The following PHTF1 variants were observed in gnomAD, a reference collection of about 807,000 sequenced individuals.
The protein encoded by PHTF1 is putative homeodomain transcription factor 1, also known as protein PHTF1.
A neutral mutation model predicts 102.4 loss-of-function variants in PHTF1; 88 were observed. That is an observed-to-expected ratio of 0.86 (90% CI 0.72 to 1.03). The LOEUF is 1.03. Ranked by LOEUF, PHTF1 falls within the 50% of genes least tolerant of loss-of-function variation. The probability of loss-of-function intolerance (pLI) is 0.00; values close to 1 mark genes in which losing one functional copy is unlikely to be tolerated. For missense variants in PHTF1, 814 were observed against 909.5 expected, an observed-to-expected ratio of 0.89 and a Z score of 1.35; for synonymous variants, 289 against 305.2, an observed-to-expected ratio of 0.95 and a Z score of 0.55.
chr1:113,706,645 G>A lies in PHTF1; in HGVS notation c.1347C>T (p.Cys449=), dbSNP rs531967501. The change falls in exon 12 of 19, where the codon TGC becomes TGT. Residue 449 remains cysteine, a synonymous_variant. Coordinates refer to ENST00000369604, the MANE Select transcript of PHTF1 (RefSeq NM_001323043.2). ...CCAACACAGACATATCCATCTTTTTGCACTCATTCCCCTCCCAGATTATTG... is the reference window on the plus strand; with the variant it reads ...CCAACACAGACATATCCATCTTTTTACACTCATTCCCCTCCCAGATTATTG... ...VSAIIWEGNE[C]KKMDMSVLEI... 1.2e-6 allele frequency: 2 copies of A among 1,610,834 alleles called. No individual in the cohort carries two copies. Among genetic ancestry groups the A allele is most frequent in the Non-Finnish European group, 1.7e-6 (2 of 1,178,310 alleles).
intron 3 of PHTF1, among the ~76,000 whole-genome samples, chr1:113,739,748 C>T (rs78089789): frequency 6.6e-6 from 1 of 152,126 alleles, no homozygotes; most frequent in Non-Finnish European, 1.5e-5. Context: ...CTTATACTTC[C>T]CCACCTCTAA....
intron 15 of PHTF1, among the ~76,000 whole-genome samples, chr1:113,701,826 TAAAAAAAAAAAAAAAAAAAA>T (rs34844793): frequency 7.1e-5 from 2 of 27,986 alleles, no homozygotes; most frequent in Admixed American, 4.9e-4. Context: ...CAATTCCTGG[TAAAAAAAAAAAAAAAAAAAA>T]AAAAAAAAAA....
chr1:113,707,756 A>G (rs1650436940), intron 11 of PHTF1, among the ~76,000 whole-genome samples: 1 of 152,220 alleles, frequency 6.6e-6, no homozygotes, highest in Admixed American at 6.5e-5. Flanking sequence ...TGTCCTTGCT[A>G]TCAAGGAGCT....
intron 5 of PHTF1, among the ~76,000 whole-genome samples, chr1:113,734,786 C>G (rs985214853): frequency 3.3e-5 from 5 of 152,088 alleles, no homozygotes; most frequent in African/African-American, 9.7e-5. Flanking sequence ...GGATGAGTGC[C>G]CTTATAGATG....
intron 7 of PHTF1, among the ~76,000 whole-genome samples, chr1:113,715,648 C>CAAAAAAAAAAAAAAAAAAAAAAAAAA (rs60517410): frequency 1.2e-4 from 3 of 24,978 alleles, no homozygotes; most frequent in African/African-American, 2.2e-4. Flanking sequence ...AACCCTGTCT[C>CAAAAAAAAAAAAAAAAAAAAAAAAAA]AAAAAAAAAA....
chr1:113,758,300 A>G (rs1377737661), intron 2 of PHTF1, among the ~76,000 whole-genome samples: 3 of 151,746 alleles, frequency 2.0e-5, no homozygotes, highest in Non-Finnish European at 2.9e-5. Flanking sequence ...AGAGAGGAAT[A>G]AAAGATAAGG....
At chr1:113,754,820 CT>C (rs1204906564) in intron 3 of PHTF1, among the ~76,000 whole-genome samples, 33 of 152,282 alleles carry the variant, frequency 2.2e-4, no homozygotes, top group African/African-American at 7.2e-4. Context: ...ATCTAAAGTT[CT>C]TAGTAAAGCA....
At chr1:113,721,937 G>T (rs1289323822) in intron 7 of PHTF1, among the ~76,000 whole-genome samples, 3 of 151,096 alleles carry the variant, frequency 2.0e-5, no homozygotes, top group Non-Finnish European at 4.4e-5. Flanking sequence ...CTCGTGATCC[G>T]CCCGCCTTGG....
chr1:113,741,276 T>C (rs565935230), intron 3 of PHTF1, among the ~76,000 whole-genome samples: 3 of 152,174 alleles, frequency 2.0e-5, no homozygotes, highest in East Asian at 3.9e-4. Context: ...TACAGAAAAA[T>C]GTTCTAAAAC....
Position 113,758,607 on chromosome 1 carries a change from C to T in PHTF1, c.45+52G>A, listed in dbSNP as rs573584363. The T allele has an allele frequency of 8.5e-5, 94 of 1,100,536 alleles. 1 individual carries two copies. In the Middle Eastern group the frequency reaches 1.4e-3, roughly 16 times the overall value. The allele number at this position is 1,100,536 out of a possible 1,614,324, so 68.2% of individuals were successfully genotyped here. Reference sequence around the variant, plus strand: ...AGTAACATTATATTATTTGTGGGAGCTTTTTGCAGGAAGAATGCTTTACAA... The same window carrying T: ...AGTAACATTATATTATTTGTGGGAGTTTTTTGCAGGAAGAATGCTTTACAA... On this transcript the variant is annotated intron_variant, in intron 2 of 18. Transcript: ENST00000369604.
intron 5 of PHTF1, among the ~76,000 whole-genome samples, chr1:113,728,375 A>T (rs1022274293): frequency 6.6e-6 from 1 of 152,236 alleles, no homozygotes; most frequent in African/African-American, 2.4e-5. Flanking sequence ...TGATCACAGA[A>T]ATGCAAATCA....
At chr1:113,738,580 GA>G (rs1288425604) in intron 4 of PHTF1, 149 bp downstream of exon 4, 2 of 608,568 alleles carry the variant, frequency 3.3e-6, no homozygotes, top group East Asian at 5.7e-5. Flanking sequence ...ACAGTACTAA[GA>G]GGTGGAAAAA....
At chr1:113,741,574 C>CTTTCTA in intron 3 of PHTF1, among the ~76,000 whole-genome samples, 1 of 152,256 alleles carries the variant, frequency 6.6e-6, no homozygotes, top group Middle Eastern at 3.4e-3. Context: ...ACTTTCTTTG[C>CTTTCTA]TTTCTAGACT....
In PHTF1 at chr1:113,705,880, C is replaced by T. The variant is rs751717672; in HGVS notation, c.1671+10G>A. 6.9e-6 allele frequency: 11 copies of T among 1,597,684 alleles called. No individual in the cohort carries two copies. Among genetic ancestry groups the T allele is most frequent in the Non-Finnish European group, 9.4e-6 (11 of 1,174,244 alleles). On this transcript the variant is annotated intron_variant, in intron 13 of 18. Transcript: ENST00000369604. Reference sequence around the variant, plus strand: ...AACAGGTAAAAAATTTTCCTTATTTCTCCACTGACCTGTTTATATGTTCTC... The same window carrying T: ...AACAGGTAAAAAATTTTCCTTATTTTTCCACTGACCTGTTTATATGTTCTC...
chr1:113,744,622 A>G lies in PHTF1; in HGVS notation c.103-5823T>C, dbSNP rs1405546820. On this transcript the variant is annotated intron_variant, in intron 3 of 18. Coordinates refer to ENST00000369604, the MANE Select transcript of PHTF1 (RefSeq NM_001323043.2). Reference sequence around the variant, plus strand: ...ATCTAACCTGATACCTGAAGAATGTATAAGAACTTGTAAAGTTGCACATGT... The same window carrying G: ...ATCTAACCTGATACCTGAAGAATGTGTAAGAACTTGTAAAGTTGCACATGT... Among the ~76,000 whole-genome samples, 3 of 152,340 alleles carry G rather than the reference A, an allele frequency of 2.0e-5. No individual in the cohort carries two copies. The East Asian group carries it at 5.8e-4, about 29-fold the overall frequency.
In PHTF1 at chr1:113,710,312, T is replaced by C. The variant is rs1650861901; in HGVS notation, c.1211A>G (p.His404Arg). The change falls in exon 11 of 19, where the codon CAT (histidine) becomes CGT (arginine). Residue 404 changes from histidine (H) to arginine (R), a missense_variant. By Grantham distance (29) the His-to-Arg change is conservative. Transcript: ENST00000369604. ...GGTCCCTGAGTGAAGGGTATTCACA[T>C]GGGCCCCCTCACTGTCACTGGTGAC... Reference protein sequence around the residue: ...SSVTSDSEGAHVNTLHSGTKR... With the variant: ...SSVTSDSEGARVNTLHSGTKR... 3 of 1,613,964 alleles carry C rather than the reference T, an allele frequency of 1.9e-6. No individual in the cohort carries two copies. The Admixed American group carries it at 5.0e-5, about 27-fold the overall frequency.
In PHTF1 at chr1:113,710,494, A is replaced by G; in HGVS notation, c.1048-19T>C. On this transcript the variant is annotated intron_variant, in intron 10 of 18. Coordinates refer to ENST00000369604, the MANE Select transcript of PHTF1 (RefSeq NM_001323043.2). ...TAGAGCCCTTTAAAGGAAAACAAAA[A>G]GCAAAAAATGTTATTCATCTTTAAA... The G allele has an allele frequency of 6.4e-7, 1 of 1,569,530 alleles. No individual in the cohort carries two copies.
chr1:113,712,328 T>C (rs1200218849), intron 8 of PHTF1, among the ~76,000 whole-genome samples: 6 of 152,194 alleles, frequency 3.9e-5, no homozygotes, highest in Admixed American at 3.3e-4. Context: ...TTATGTAGTA[T>C]TCAAAAACCA....
rs191119223 is a variant in PHTF1, at chr1:113,700,924, A to G, written c.1916T>C (p.Leu639Pro). Residue 639 changes from leucine to proline, a missense_variant, in exon 16 of 19, where the codon CTG becomes CCG. Leu to Pro is a moderately conservative substitution (Grantham distance 98, BLOSUM62 -3). Transcript: ENST00000369604. ...AQVLQGHKTFLNDAYNWEFLI... is the reference protein window; with the variant it reads ...AQVLQGHKTFPNDAYNWEFLI... ...AAACTCCCAGTTATAAGCATCATTC[A>G]GGAAAGTTTTATGTCCTTGGAGAAC... 4.3e-6 allele frequency: 7 copies of G among 1,611,440 alleles called. No individual in the cohort carries two copies. In the East Asian group the frequency reaches 1.6e-4, roughly 36 times the overall value.
Sources: gnomAD v4.1 joint callset for allele counts (sites outside exome capture counted in the v4.1 genomes callset) on GRCh38, gnomAD v4.1.1 for gene constraint, MANE v1.5 for transcripts, NCBI Gene and HGNC (gene_info 2026-07-23, HGNC 2026-07-21) for gene names.